Variants in POLE2 observed in about 807,000 individuals in gnomAD.
POLE2 encodes DNA polymerase epsilon 2, accessory subunit.
A neutral mutation model predicts 79.4 loss-of-function variants in POLE2; 56 were observed. That is an observed-to-expected ratio of 0.71 (90% CI 0.57 to 0.88). The LOEUF (loss-of-function observed/expected upper bound fraction) is 0.88, where lower values mean the gene tolerates loss of function less well. Ranked by LOEUF, POLE2 falls within the 40% of genes least tolerant of loss-of-function variation. POLE2 has a pLI of 0.00. For missense variants in POLE2, 598 were observed against 638.9 expected, an observed-to-expected ratio of 0.94 and a Z score of 0.69; for synonymous variants, 212 against 214.0, an observed-to-expected ratio of 0.99 and a Z score of 0.08.
chr14:49,665,423 C>G (rs1885410963), intron 7 of POLE2, among the ~76,000 whole-genome samples: 2 of 152,196 alleles, frequency 1.3e-5, no homozygotes, highest in Non-Finnish European at 2.9e-5. Context: ...CATTTGATGT[C>G]TGCCATAAGG....
intron 16 of POLE2, among the ~76,000 whole-genome samples, chr14:49,651,058 T>A (rs1057299846): frequency 2.9e-5 from 4 of 137,748 alleles, no homozygotes; most frequent in African/African-American, 1.2e-4. Context: ...ATTCTCAGCT[T>A]TTCTCTGTCC....
chr14:49,684,165 G>GA (rs564493827), intron 1 of POLE2, among the ~76,000 whole-genome samples: 311 of 151,812 alleles, frequency 2.0e-3, no homozygotes, highest in Middle Eastern at 3.4e-3. Context: ...TGTAAAATAA[G>GA]AAAAAAAATA....
intron 1 of POLE2, among the ~76,000 whole-genome samples, chr14:49,686,281 A>T (rs1291042145): frequency 1.3e-5 from 2 of 152,208 alleles, no homozygotes; most frequent in African/African-American, 4.8e-5. Flanking sequence ...AAAAAAATTT[A>T]AAAATAACAA....
At chr14:49,654,860 G>T in intron 12 of POLE2, 22 bp from the exon 13 acceptor site, 2 of 1,482,136 alleles carry the variant, frequency 1.3e-6, no homozygotes, top group South Asian at 2.9e-5. Flanking sequence ...AAAAGGTATT[G>T]AATTAAATTT....
chr14:49,674,236 A>G lies in POLE2; in HGVS notation c.324-20T>C, dbSNP rs1478332624. ...AACAGACTAGAAAAAGAGAATGCCT[A>G]TTTTTGACTATCATAATACACAAAG... On this transcript the variant is annotated intron_variant, in intron 4 of 18. Transcript: ENST00000216367. The G allele has an allele frequency of 1.3e-6, 2 of 1,536,332 alleles. No homozygotes were observed. Among genetic ancestry groups the G allele is most frequent in the South Asian group, 2.2e-5 (2 of 89,518 alleles).
At chr14:49,649,002 T>C (rs1883985221) in intron 17 of POLE2, among the ~76,000 whole-genome samples, 1 of 152,028 alleles carries the variant, frequency 6.6e-6, no homozygotes, top group African/African-American at 2.4e-5. Flanking sequence ...AAGTCTAAAA[T>C]TCACAAGAAT....
In POLE2 at chr14:49,665,637, A is replaced by C. The variant is rs568410977; in HGVS notation, c.577-474T>G. 3.3e-5 allele frequency among the ~76,000 whole-genome samples: 5 copies of C among 151,758 alleles called. No homozygotes were observed. The South Asian group carries it at 6.3e-4, about 19-fold the overall frequency. ...TCAGGAAACCAAACACAGATGAAAA[A>C]GACACTTGGTGACTGAGAAAAGGTT... On this transcript the variant is annotated intron_variant, in intron 7 of 18. Coordinates refer to ENST00000216367, the MANE Select transcript of POLE2 (RefSeq NM_002692.4).
chr14:49,683,334 G>A (rs1301606693), intron 2 of POLE2, among the ~76,000 whole-genome samples: 11 of 151,918 alleles, frequency 7.2e-5, no homozygotes, highest in African/African-American at 1.7e-4. Context: ...CCCGGGAGGT[G>A]GGGGTTGCAG....
chr14:49,677,546 C>T (rs1000173169), intron 3 of POLE2: 8 of 480,084 alleles, frequency 1.7e-5, no homozygotes, highest in Admixed American at 6.9e-5. Flanking sequence ...CCGGACTAGG[C>T]GACCCAGCAG....
Position 49,653,181 on chromosome 14 carries a change from A to C in POLE2, c.1211+809T>G, listed in dbSNP as rs568007119. ...TGATAAGTAGGCAACTGGATACCTG[A>C]GTCTGGAGTTTGGAAGGTAGGTTGA... On this transcript the variant is annotated intron_variant, in intron 15 of 18. Coordinates refer to ENST00000216367, the MANE Select transcript of POLE2 (RefSeq NM_002692.4). Among the ~76,000 whole-genome samples the C allele has an allele frequency of 4.5e-4, 69 of 152,304 alleles. 1 individual carries two copies. Among genetic ancestry groups the C allele is most frequent in the African/African-American group, 1.4e-3 (59 of 41,566 alleles).
In POLE2 at chr14:49,665,090, AGAC is replaced by A. The variant is rs772202478; in HGVS notation, c.633+14_633+16del. The A allele has an allele frequency of 3.4e-6, 4 of 1,182,940 alleles. No individual in the cohort carries two copies. The highest frequency in any genetic ancestry group is 3.7e-6 in the Non-Finnish European group (3 of 800,796). 73.3% of individuals were successfully genotyped at this position (1,182,940 alleles called of 1,614,324 possible). Reference sequence around the variant, plus strand: ...ACGTAATGCAGATTTTAAAAAATACAGACAAGTGAAGGATATAGCTTTACTAAG... The same window carrying A: ...ACGTAATGCAGATTTTAAAAAATACAAAGTGAAGGATATAGCTTTACTAAG... On this transcript the variant is annotated intron_variant, in intron 8 of 18. Coordinates refer to ENST00000216367, the MANE Select transcript of POLE2 (RefSeq NM_002692.4).
Position 49,682,640 on chromosome 14 carries a change from G to GAAAAAAAAAAAAAAAAA in POLE2, c.169+936_169+952dup, listed in dbSNP as rs35984833. Among the ~76,000 whole-genome samples the GAAAAAAAAAAAAAAAAA allele has an allele frequency of 3.4e-4, 21 of 60,976 alleles. 2 individuals are homozygous for GAAAAAAAAAAAAAAAAA. The highest frequency in any genetic ancestry group is 1.2e-3 in the African/African-American group (21 of 17,444). The allele number at this position is 60,976 out of a possible 152,430, so 40.0% of individuals were successfully genotyped here. On this transcript the variant is annotated intron_variant, in intron 2 of 18. Transcript: ENST00000216367. ...CGACAGTGCAAGACTCCTTCTCAGG[G>GAAAAAAAAAAAAAAAAA]AAAAAAAAAAAAAAAAAAAAAAAAA... is the stretch of plus-strand genomic sequence containing the variant.
intron 3 of POLE2, among the ~76,000 whole-genome samples, chr14:49,675,409 A>C (rs1886202496): frequency 6.6e-6 from 1 of 151,376 alleles, no homozygotes; most frequent in African/African-American, 2.4e-5. Context: ...ATTAAAGGAT[A>C]TGATTAAGTT....
At chr14:49,647,494 C>T (rs1883872548) in intron 17 of POLE2, 134 bp from the exon 18 acceptor site, 1 of 288,216 alleles carries the variant, frequency 3.5e-6, no homozygotes, top group Non-Finnish European at 6.4e-6. Flanking sequence ...GTCTCACTCT[C>T]ATCACCCAGG....
chr14:49,665,158 T>A lies in POLE2; in HGVS notation c.582A>T (p.Lys194Asn), dbSNP rs756610389. 6 of 1,349,134 alleles carry A rather than the reference T, an allele frequency of 4.4e-6. No individual in the cohort carries two copies. The African/African-American group carries it at 4.5e-5, about 10-fold the overall frequency. The allele number at this position is 1,349,134 out of a possible 1,614,324, so 83.6% of individuals were successfully genotyped here. The part of the protein sequence containing the change: ...LGMITQLKEG[K>N]FFLEDPTGTV... ...TTCCAGTAGGATCTTCCAGAAAAAA[T>A]TTTCCCTAAAAAAATGAAAATAAAT... Residue 194 changes from lysine to asparagine, a missense_variant, in exon 8 of 19, where the codon AAA becomes AAT. By Grantham distance (94) the Lys-to-Asn change is moderately conservative. Transcript: ENST00000216367.
intron 5 of POLE2, among the ~76,000 whole-genome samples, chr14:49,671,532 G>A (rs1047583040): frequency 1.3e-4 from 20 of 149,252 alleles, no homozygotes; most frequent in African/African-American, 4.2e-4. Context: ...CAGGAGAATC[G>A]CTTGAACCCA....
At chr14:49,672,418 C>G (rs1885961450) in intron 5 of POLE2, among the ~76,000 whole-genome samples, 1 of 151,952 alleles carries the variant, frequency 6.6e-6, no homozygotes, top group African/African-American at 2.4e-5. Flanking sequence ...TACCGCTGAC[C>G]ATCTGCTCCT....
At chr14:49,681,497 G>C (rs989918928) in intron 2 of POLE2, 2 of 152,384 alleles carry the variant, frequency 1.3e-5, no homozygotes, top group East Asian at 3.9e-4. Context: ...GGAGGGGCCA[G>C]GTGTGGTGGC....
At chr14:49,671,682 T>C (rs1025898557) in intron 5 of POLE2, among the ~76,000 whole-genome samples, 1 of 146,082 alleles carries the variant, frequency 6.8e-6, no homozygotes, top group African/African-American at 2.5e-5. Flanking sequence ...CAGCTGGGCA[T>C]GGTGGCTCAT....
Sources: allele counts gnomAD v4.1 joint callset (sites outside exome capture counted in the v4.1 genomes callset), GRCh38; gene constraint gnomAD v4.1.1; transcripts MANE v1.5; gene names NCBI Gene and HGNC (gene_info 2026-07-23, HGNC 2026-07-21).